The following AIG1 variants were observed in gnomAD, a reference collection of about 807,000 sequenced individuals.
The protein encoded by AIG1 is androgen-induced gene 1 protein.
A neutral mutation model predicts 31.4 loss-of-function variants in AIG1; 23 were observed. The ratio of observed to expected loss-of-function variants is 0.73; its 90% CI spans 0.53 to 1.04. AIG1 has a LOEUF of 1.04. Ranked by LOEUF, AIG1 falls within the 50% of genes least tolerant of loss-of-function variation. The pLI is 0.00. For missense variants in AIG1, 274 were observed against 295.0 expected (o/e 0.93, Z 0.52); for synonymous variants, 100 against 110.5 (o/e 0.90, Z 0.60).
chr6:143,262,056 C>G (rs1021630107), intron 3 of AIG1, among the ~76,000 whole-genome samples: 4 of 152,182 alleles, frequency 2.6e-5, no homozygotes, highest in Non-Finnish European at 4.4e-5. Context: ...GGTGCTGCTG[C>G]AAAGACGCTT....
At chr6:143,179,036 G>T (rs1236122697) in intron 3 of AIG1, among the ~76,000 whole-genome samples, 1 of 152,134 alleles carries the variant, frequency 6.6e-6, no homozygotes, top group African/African-American at 2.4e-5. Flanking sequence ...GAGAGAGAGA[G>T]AAAACCCATG....
rs895141760 is a variant in AIG1 at position 143,339,797 on chromosome 6, C to G, written c.*121C>G. On this transcript the variant is annotated 3_prime_UTR_variant, in exon 6 of 6. Coordinates refer to ENST00000357847, the MANE Select transcript of AIG1 (RefSeq NM_016108.4). Reference sequence around the variant, plus strand: ...TTGGTGGCATCAGCACCCCCCTCCCCCAATGAGGACACCTTTTATATATAA... The same window carrying G: ...TTGGTGGCATCAGCACCCCCCTCCCGCAATGAGGACACCTTTTATATATAA... The G allele has an allele frequency of 1.2e-6, 1 of 855,226 alleles. No individual in the cohort carries two copies. Among genetic ancestry groups the G allele is most frequent in the South Asian group, 1.7e-5 (1 of 58,722 alleles). The allele number at this position is 855,226 out of a possible 1,614,324, so 53.0% of individuals were successfully genotyped here.
chr6:143,129,884 T>A (rs776768314), intron 1 of AIG1, among the ~76,000 whole-genome samples: 2 of 152,098 alleles, frequency 1.3e-5, no homozygotes, highest in Non-Finnish European at 2.9e-5. Context: ...TTTTTTATCA[T>A]TATGAAATGT....
chr6:143,187,077 A>C (rs1270799790), intron 3 of AIG1, among the ~76,000 whole-genome samples: 1 of 152,234 alleles, frequency 6.6e-6, no homozygotes, highest in East Asian at 1.9e-4. Context: ...ATCTCAATCT[A>C]AATTTTCAAG....
chr6:143,165,536 GCCA>G (rs34951317), intron 3 of AIG1, among the ~76,000 whole-genome samples: 100,600 of 151,798 alleles, frequency 0.66, 34,758 homozygotes, highest in East Asian at 0.98. Flanking sequence ...CATCTACACA[GCCA>G]CCACCAGCCC....
chr6:143,246,452 A>G (rs1376234993), intron 3 of AIG1, among the ~76,000 whole-genome samples: 1 of 152,152 alleles, frequency 6.6e-6, no homozygotes, highest in East Asian at 1.9e-4. Context: ...CCCATTCACT[A>G]TCACAAGAAC....
At chr6:143,225,231 C>T (rs981287498) in intron 3 of AIG1, among the ~76,000 whole-genome samples, 160 of 152,162 alleles carry the variant, frequency 1.1e-3, no homozygotes, top group African/African-American at 3.7e-3. Flanking sequence ...AGAAGCTCTC[C>T]CCCACCCTAA....
chr6:143,250,751 C>T (rs1023684470), intron 3 of AIG1, among the ~76,000 whole-genome samples: 8 of 152,144 alleles, frequency 5.3e-5, no homozygotes, highest in Admixed American at 1.3e-4. Context: ...GGGCCACTTG[C>T]GGCCCAGGAC....
intron 1 of AIG1, among the ~76,000 whole-genome samples, chr6:143,118,647 C>T (rs908324418): frequency 1.3e-5 from 2 of 152,130 alleles, no homozygotes; most frequent in Admixed American, 6.5e-5. Context: ...AACTTTTCCA[C>T]GTCTCCTGTA....
intron 1 of AIG1, among the ~76,000 whole-genome samples, chr6:143,105,426 A>G (rs904537105): frequency 6.6e-6 from 1 of 152,220 alleles, no homozygotes; most frequent in Non-Finnish European, 1.5e-5. Flanking sequence ...TTGTAATGAT[A>G]ATATTGCTCA....
At chr6:143,121,460 G>T (rs1372238260) in intron 1 of AIG1, among the ~76,000 whole-genome samples, 1 of 152,118 alleles carries the variant, frequency 6.6e-6, no homozygotes, top group Non-Finnish European at 1.5e-5. Flanking sequence ...TTTTCCCAAA[G>T]ATCATTTATC....
chr6:143,301,633 G>A lies in AIG1; in HGVS notation c.515+17408G>A, dbSNP rs1242040756. Among the ~76,000 whole-genome samples, 4 of 152,192 alleles carry A rather than the reference G, an allele frequency of 2.6e-5. No homozygotes were observed. In the East Asian group the frequency reaches 7.7e-4, roughly 29 times the overall value. On this transcript the variant is annotated intron_variant, in intron 4 of 5. Transcript: ENST00000357847. ...GCAGCAAGAAGTACAGAGCAAAGGT[G>A]TGGAGAAGGCCCTTTATAAAGTGTC...
chr6:143,264,928 A>G (rs1796050526), intron 3 of AIG1, among the ~76,000 whole-genome samples: 1 of 152,198 alleles, frequency 6.6e-6, no homozygotes, highest in African/African-American at 2.4e-5. Flanking sequence ...TGACATTTGC[A>G]GCTTCGCAAT....
At chr6:143,294,846 C>T (rs992706081) in intron 4 of AIG1, among the ~76,000 whole-genome samples, 2 of 152,164 alleles carry the variant, frequency 1.3e-5, no homozygotes, top group Non-Finnish European at 2.9e-5. Flanking sequence ...GCCTCATTTG[C>T]TGGCTCTTTC....
chr6:143,310,381 A>C (rs1270494806), intron 4 of AIG1, among the ~76,000 whole-genome samples: 1 of 151,984 alleles, frequency 6.6e-6, no homozygotes, highest in Admixed American at 6.6e-5. Flanking sequence ...TAAATAGCAC[A>C]CTAATAAATA....
chr6:143,168,582 T>C (rs1215869974), intron 3 of AIG1, among the ~76,000 whole-genome samples: 1 of 151,936 alleles, frequency 6.6e-6, no homozygotes, highest in Non-Finnish European at 1.5e-5. Context: ...ACAAAGGACA[T>C]GAACTCAATC....
chr6:143,156,772 G>T (rs990640928), intron 2 of AIG1, among the ~76,000 whole-genome samples: 1 of 152,182 alleles, frequency 6.6e-6, no homozygotes, highest in Non-Finnish European at 1.5e-5. Flanking sequence ...TTTTGAGCTG[G>T]GATGACCCTT....
intron 4 of AIG1, among the ~76,000 whole-genome samples, chr6:143,287,490 G>A (rs1307483841): frequency 6.6e-6 from 1 of 152,076 alleles, no homozygotes; most frequent in Admixed American, 6.5e-5. Flanking sequence ...TCTGTTAACC[G>A]GACCCTCCAC....
At chr6:143,207,982 T>G (rs191970801) in intron 3 of AIG1, among the ~76,000 whole-genome samples, 45 of 152,258 alleles carry the variant, frequency 3.0e-4, no homozygotes, top group Non-Finnish European at 2.5e-4. Flanking sequence ...GGCCATTCTA[T>G]GAAGAGATGA....
Sources: gnomAD v4.1 joint callset for allele counts (sites outside exome capture counted in the v4.1 genomes callset) on GRCh38, gnomAD v4.1.1 for gene constraint, MANE v1.5 for transcripts, NCBI Gene and HGNC (gene_info 2026-07-23, HGNC 2026-07-21) for gene names.